Variants in TMEM123 observed in about 807,000 individuals in gnomAD.
The protein encoded by TMEM123 is transmembrane protein 123.
TMEM123 carries 16 observed loss-of-function variants against 19.7 expected under a neutral mutation model. The ratio of observed to expected loss-of-function variants is 0.81; its 90% CI spans 0.55 to 1.23. The LOEUF is 1.23. Ranked by LOEUF, TMEM123 falls within the 50% of genes most tolerant of loss-of-function variation. The pLI, the probability that TMEM123 is intolerant of heterozygous loss-of-function variation, is 0.00. For missense variants in TMEM123, 313 were observed against 257.8 expected, an observed-to-expected ratio of 1.21 and a Z score of -1.47; for synonymous variants, 118 against 99.4, an observed-to-expected ratio of 1.19 and a Z score of -1.12.
intron 1 of TMEM123, 96 bp from the exon 2 acceptor site, chr11:102,448,964 T>G: frequency 8.4e-7 from 1 of 1,196,438 alleles, no homozygotes; most frequent in Non-Finnish European, 1.2e-6. Flanking sequence ...GGGGTAGTGG[T>G]GTCAGGAGGG....
At chr11:102,413,976 C>A (rs533580619) in intron 2 of TMEM123, among the ~76,000 whole-genome samples, 1 of 152,146 alleles carries the variant, frequency 6.6e-6, no homozygotes, top group African/African-American at 2.4e-5. Context: ...AGTAAAATGA[C>A]ACAAGGGCTG....
chr11:102,441,456 C>T (rs1204024828), intron 2 of TMEM123, among the ~76,000 whole-genome samples: 3 of 152,002 alleles, frequency 2.0e-5, no homozygotes, highest in Admixed American at 6.6e-5. Flanking sequence ...GGGTACATAA[C>T]AAAATGAAGG....
intron 2 of TMEM123, among the ~76,000 whole-genome samples, chr11:102,443,193 C>G (rs1301613297): frequency 6.6e-6 from 1 of 152,216 alleles, no homozygotes; most frequent in Non-Finnish European, 1.5e-5. Flanking sequence ...TTGGAAAAAA[C>G]TACTTTCAAG....
At chr11:102,417,977 C>T (rs966194082) in intron 2 of TMEM123, among the ~76,000 whole-genome samples, 14 of 151,314 alleles carry the variant, frequency 9.3e-5, no homozygotes, top group African/African-American at 3.4e-4. Context: ...TTCCTTTCAC[C>T]ATATATGAAA....
intron 2 of TMEM123, among the ~76,000 whole-genome samples, chr11:102,419,233 C>T (rs1033336278): frequency 4.6e-5 from 7 of 152,166 alleles, no homozygotes; most frequent in Non-Finnish European, 7.3e-5. Context: ...AATTAAGGTA[C>T]ACGTTGTACT....
intron 4 of TMEM123, among the ~76,000 whole-genome samples, chr11:102,400,133 T>C (rs537177625): frequency 6.6e-6 from 1 of 152,350 alleles, no homozygotes; most frequent in East Asian, 1.9e-4. Context: ...ATCAAGAAGT[T>C]TGATTTACTT....
intron 2 of TMEM123, among the ~76,000 whole-genome samples, chr11:102,404,789 G>C (rs935228590): frequency 6.6e-6 from 1 of 151,808 alleles, no homozygotes; most frequent in Non-Finnish European, 1.5e-5. Context: ...TAGTAGAGAC[G>C]GGGTTTTGCC....
intron 2 of TMEM123, among the ~76,000 whole-genome samples, chr11:102,445,007 C>T (rs991794196): frequency 2.0e-5 from 3 of 150,172 alleles, no homozygotes; most frequent in Non-Finnish European, 4.4e-5. Context: ...CATCACACAC[C>T]AGGGCCTGTC....
In TMEM123 at chr11:102,401,785, T is replaced by C. The variant is rs951785802; in HGVS notation, c.449-93A>G. ...TCTCTGATTTTCTGTGTTAAGAACA[T>C]TTAATTAGGAATTAAGGGAAATCTA... On this transcript the variant is annotated intron_variant, in intron 3 of 4. Coordinates refer to ENST00000398136, the MANE Select transcript of TMEM123 (RefSeq NM_052932.3). 8.7e-6 allele frequency: 13 copies of C among 1,497,176 alleles called. No homozygotes were observed. The Admixed American group carries it at 2.7e-4, about 32-fold the overall frequency. The allele number at this position is 1,497,176 out of a possible 1,614,324, so 92.7% of individuals were successfully genotyped here. A position where few individuals can be genotyped will look rare whatever the true frequency, so the allele number is the denominator to read the frequency against.
chr11:102,400,018 T>C (rs1441161705), intron 4 of TMEM123, among the ~76,000 whole-genome samples: 1 of 150,610 alleles, frequency 6.6e-6, no homozygotes, highest in African/African-American at 2.4e-5. Context: ...GTTTAAGTAT[T>C]AGTAATATAA....
At chr11:102,421,156 T>G (rs1414250276) in intron 2 of TMEM123, among the ~76,000 whole-genome samples, 2 of 152,156 alleles carry the variant, frequency 1.3e-5, no homozygotes, top group East Asian at 3.8e-4. Context: ...CTCCACTGGG[T>G]ATGTACCAAA....
chr11:102,436,932 A>C (rs193175878), intron 2 of TMEM123, among the ~76,000 whole-genome samples: 1 of 152,366 alleles, frequency 6.6e-6, no homozygotes, highest in Admixed American at 6.5e-5. Context: ...TGGAAAAACA[A>C]CAGGAACCCA....
chr11:102,403,932 T>C (rs985703568), intron 2 of TMEM123, among the ~76,000 whole-genome samples: 1 of 152,186 alleles, frequency 6.6e-6, no homozygotes, highest in African/African-American at 2.4e-5. Context: ...CACAGCTTTA[T>C]AAAAGCCCTC....
Position 102,448,980 on chromosome 11 carries a change from T to C in TMEM123, c.101-112A>G. 4 of 1,032,830 alleles carry C rather than the reference T, an allele frequency of 3.9e-6. No individual in the cohort carries two copies. The South Asian group carries it at 5.2e-5, about 13-fold the overall frequency. 64.0% of individuals were successfully genotyped at this position (1,032,830 alleles called of 1,614,324 possible). On this transcript the variant is annotated intron_variant, in intron 1 of 4. Coordinates refer to ENST00000398136, the MANE Select transcript of TMEM123 (RefSeq NM_052932.3). ...GGGTAGTGGTGTCAGGAGGGTAGATTATTCCACAGGAAGTTCTACTTTGGC... is the reference window on the plus strand; with the variant it reads ...GGGTAGTGGTGTCAGGAGGGTAGATCATTCCACAGGAAGTTCTACTTTGGC...
At chr11:102,452,216 G>GA (rs1857948889) in intron 1 of TMEM123, 1 of 280,944 alleles carries the variant, frequency 3.6e-6, no homozygotes, top group Non-Finnish European at 6.6e-6. Flanking sequence ...TAACTTCAGG[G>GA]AAAGGCTGTA....
chr11:102,406,779 G>A (rs1173801316), intron 2 of TMEM123, among the ~76,000 whole-genome samples: 2 of 151,738 alleles, frequency 1.3e-5, no homozygotes, highest in East Asian at 1.9e-4. Context: ...GCTGAGGCAG[G>A]AGAATGGCGT....
intron 2 of TMEM123, among the ~76,000 whole-genome samples, chr11:102,405,510 G>A (rs1358859582): frequency 6.6e-6 from 1 of 152,142 alleles, no homozygotes; most frequent in Admixed American, 6.5e-5. Context: ...AGAGATATAA[G>A]TAATAGAATT....
intron 2 of TMEM123, among the ~76,000 whole-genome samples, chr11:102,443,369 C>G (rs1275011386): frequency 6.6e-6 from 1 of 152,142 alleles, no homozygotes; most frequent in African/African-American, 2.4e-5. Context: ...TGGAACAGAA[C>G]AGAGCCCTCA....
At chr11:102,422,193 G>A (rs1353018005) in intron 2 of TMEM123, among the ~76,000 whole-genome samples, 1 of 152,210 alleles carries the variant, frequency 6.6e-6, no homozygotes, top group Non-Finnish European at 1.5e-5. Context: ...GGAAAGAATG[G>A]CCGAGTGTGG....
Sources: gnomAD v4.1 joint callset for allele counts (sites outside exome capture counted in the v4.1 genomes callset) on GRCh38, gnomAD v4.1.1 for gene constraint, MANE v1.5 for transcripts, NCBI Gene and HGNC (gene_info 2026-07-23, HGNC 2026-07-21) for gene names.